SLC49A3: variants seen among roughly 807,000 people sequenced by gnomAD.
SLC49A3 encodes solute carrier family 49 member A3.
Under a neutral mutation model 43.8 loss-of-function variants are expected in SLC49A3, and 50 were observed. The ratio of observed to expected loss-of-function variants is 1.14; its 90% CI spans 0.91 to 1.45. The LOEUF is 1.45. Among genes scored for constraint, SLC49A3 ranks in the 40% most tolerant of loss-of-function variants. The pLI, the probability that SLC49A3 is intolerant of heterozygous loss-of-function variation, is 0.00. For synonymous variants in SLC49A3, 413 were observed against 352.0 expected, an observed-to-expected ratio of 1.17 and a Z score of -1.94; for missense variants, 906 against 774.1, an observed-to-expected ratio of 1.17 and a Z score of -2.02.
chr4:678,581 G>T, downstream of SLC49A3: 1 of 1,535,662 alleles, frequency 6.5e-7, no homozygotes, highest in Admixed American at 2.1e-5. Context: ...TCTGAGTTAA[G>T]TCTCTCAAAA....
At chr4:681,445 C>T (rs1739511382), downstream of SLC49A3, among the ~76,000 whole-genome samples, 1 of 150,804 alleles carries the variant, frequency 6.6e-6, no homozygotes, top group South Asian at 2.1e-4. Flanking sequence ...CGCCCCCCAC[C>T]CCCGACGCGC....
In SLC49A3 at chr4:682,030, C is replaced by T. The variant is rs773092304; in HGVS notation, c.1608G>A (p.Arg536=). The change falls in exon 10 of 10, where the codon AGG becomes AGA. Residue 536 remains arginine, a synonymous_variant. Transcript: ENST00000322224. ...APSRPGRLAG[R]VQASRFIDPA... ...GGTCAATAAACCTGGACGCTTGGAC[C>T]CTGCCTGCGAGTCTGCCGGGGCGGG... is the stretch of plus-strand genomic sequence containing the variant. 7.0e-6 allele frequency: 10 copies of T among 1,430,324 alleles called. 1 individual carries two copies. The Admixed American group carries it at 2.0e-4, about 29-fold the overall frequency. 88.6% of individuals were successfully genotyped at this position (1,430,324 alleles called of 1,614,324 possible). A position where few individuals can be genotyped will look rare whatever the true frequency, so the allele number is the denominator to read the frequency against.
downstream of SLC49A3, chr4:681,822 GGGCC>G (rs1357989703): frequency 1.6e-6 from 2 of 1,267,876 alleles, no homozygotes; most frequent in Non-Finnish European, 2.0e-6. Flanking sequence ...ACCACACCCG[GGGCC>G]GCTGCAGGTG....
downstream of SLC49A3, chr4:679,879 A>G: frequency 6.3e-7 from 1 of 1,575,210 alleles, no homozygotes; most frequent in Admixed American, 1.7e-5. Flanking sequence ...GCAGGCAACA[A>G]GCCCTGCCCT....
chr4:681,448 C>T (rs1188164745), downstream of SLC49A3, among the ~76,000 whole-genome samples: 1 of 146,752 alleles, frequency 6.8e-6, no homozygotes, highest in African/African-American at 2.5e-5. Context: ...CCCCCACCCC[C>T]GACGCGCCGC....
chr4:685,329 C>T lies in SLC49A3; in HGVS notation c.586-473G>A, dbSNP rs1385387182. On this transcript the variant is annotated intron_variant, in intron 4 of 9. Coordinates refer to ENST00000322224, the MANE Select transcript of SLC49A3 (RefSeq NM_032219.4). The surrounding 1 kb of genome is among the most constrained non-coding windows in gnomAD (Gnocchi z 4.3). ...CACAGACACATATGCACACATCACA[C>T]AATACACATGGGCACAGGAACAGAG... 2.0e-5 allele frequency among the ~76,000 whole-genome samples: 3 copies of T among 152,130 alleles called. No homozygotes were observed. Among genetic ancestry groups the T allele is most frequent in the Non-Finnish European group, 4.4e-5 (3 of 68,010 alleles).
downstream of SLC49A3, among the ~76,000 whole-genome samples, chr4:681,611 T>C (rs920791272): frequency 1.5e-4 from 1 of 6,454 alleles, no homozygotes; most frequent in Non-Finnish European, 3.4e-4. Context: ...CCCCGCCCCC[T>C]CCAGCGCCGC....
At chr4:686,431 G>A in intron 2 of SLC49A3, 101 bp downstream of exon 2, 1 of 1,563,956 alleles carries the variant, frequency 6.4e-7, no homozygotes, top group Non-Finnish European at 8.7e-7. Flanking sequence ...CCAGCTGTTG[G>A]GACTGGTGGG....
rs200190270 is a variant in SLC49A3 at position 684,838 on chromosome 4, G to T, written c.604C>A (p.Pro202Thr). Residue 202 changes from proline to threonine, a missense_variant, in exon 5 of 10, where the codon CCT (proline) becomes ACT (threonine). Transcript: ENST00000322224. Reference sequence around the variant, plus strand: ...GACAGCAGGCAGACGACGCCAGCAGGGATGGTATAGACACCGAGCTGGGGA... The same window carrying T: ...GACAGCAGGCAGACGACGCCAGCAGTGATGGTATAGACACCGAGCTGGGGA... ...IPLMLGVYTI[P>T]AGVVCLLSTI... 1 of 1,612,318 alleles carries T rather than the reference G, an allele frequency of 6.2e-7. No individual in the cohort carries two copies. Among genetic ancestry groups the T allele is most frequent in the East Asian group, 2.2e-5 (1 of 44,882 alleles).
In SLC49A3 at chr4:681,880, C is replaced by A. The variant is rs369359939; in HGVS notation, c.*78G>T. 41 of 1,312,736 alleles carry A rather than the reference C, an allele frequency of 3.1e-5. No individual in the cohort carries two copies. Among genetic ancestry groups the A allele is most frequent in the Admixed American group, 6.2e-5 (2 of 32,354 alleles). The allele number at this position is 1,312,736 out of a possible 1,614,324, so 81.3% of individuals were successfully genotyped here. ...CCGGAGCCCGCAAGGAGCCCTTTCG[C>A]CCCCGCCCGCAGGTGGACCAGATGT... On this transcript the variant is annotated 3_prime_UTR_variant, in exon 10 of 10. Transcript: ENST00000322224.
downstream of SLC49A3, chr4:680,714 C>A (rs941083492): frequency 2.1e-6 from 2 of 967,474 alleles, no homozygotes; most frequent in African/African-American, 3.3e-5. Flanking sequence ...GCTTCAGGGC[C>A]ATGAGGAGCG....
chr4:682,346 G>A lies in SLC49A3; in HGVS notation c.1292C>T (p.Thr431Ile). The A allele has an allele frequency of 4.5e-6, 6 of 1,346,408 alleles. No individual in the cohort carries two copies. Among genetic ancestry groups the A allele is most frequent in the Non-Finnish European group, 5.8e-6 (6 of 1,038,942 alleles). The allele number at this position is 1,346,408 out of a possible 1,614,324, so 83.4% of individuals were successfully genotyped here. Reference sequence around the variant, plus strand: ...GACCGCCAGGATGCAGCTGAAGAAGGTGCACAGGCCGGCCATCAGCAGCAG... The same window carrying A: ...GACCGCCAGGATGCAGCTGAAGAAGATGCACAGGCCGGCCATCAGCAGCAG... ...VSLLLMAGLC[T>I]FFSCILAVFF... Residue 431 changes from threonine to isoleucine, a missense_variant, in exon 10 of 10, where the codon ACC (threonine) becomes ATC (isoleucine). Thr to Ile is a moderately conservative substitution (Grantham distance 89). Coordinates refer to ENST00000322224, the MANE Select transcript of SLC49A3 (RefSeq NM_032219.4).
upstream of SLC49A3, among the ~76,000 whole-genome samples, chr4:689,650 G>C (rs1741700335): frequency 6.6e-6 from 1 of 152,288 alleles, no homozygotes; most frequent in Non-Finnish European, 1.5e-5. Flanking sequence ...TGGGGTAGGA[G>C]GGCGAGGGGC....
downstream of SLC49A3, chr4:681,789 G>A (rs925422615): frequency 3.9e-5 from 47 of 1,205,350 alleles, no homozygotes; most frequent in Admixed American, 6.2e-4. Context: ...GCCCCTCCCC[G>A]CTCCCCCTCC....
chr4:680,904 G>T, downstream of SLC49A3: 1 of 686,916 alleles, frequency 1.5e-6, no homozygotes, highest in Non-Finnish European at 2.5e-6. Flanking sequence ...CCCCATCAGC[G>T]GCTCCCCCAG....
At chr4:677,728 G>C (rs1020553023), downstream of SLC49A3, among the ~76,000 whole-genome samples, 18 of 152,304 alleles carry the variant, frequency 1.2e-4, no homozygotes, top group African/African-American at 3.6e-4. Context: ...CTGACACACA[G>C]AATCCTTGGG....
intron 7 of SLC49A3, 77 bp downstream of exon 7, chr4:683,532 A>C: frequency 6.6e-7 from 1 of 1,525,184 alleles, no homozygotes; most frequent in Non-Finnish European, 8.8e-7. Flanking sequence ...TGTTCCAGCC[A>C]AGCCGCCAAC....
At chr4:690,062 G>A (rs1230323931), upstream of SLC49A3, among the ~76,000 whole-genome samples, 1 of 152,208 alleles carries the variant, frequency 6.6e-6, no homozygotes, top group Non-Finnish European at 1.5e-5. Flanking sequence ...AGTATTATTC[G>A]TGGTTTTTGT....
upstream of SLC49A3, chr4:689,190 G>A (rs921719708): frequency 4.2e-6 from 5 of 1,192,330 alleles, no homozygotes; most frequent in African/African-American, 1.6e-5. Context: ...GGACCTTCCC[G>A]CGTGGGCCGG....
Sources: allele counts gnomAD v4.1 joint callset (sites outside exome capture counted in the v4.1 genomes callset), GRCh38; gene constraint gnomAD v4.1.1; non-coding constraint Gnocchi (gnomAD v3.1); transcripts MANE v1.5; gene names NCBI Gene and HGNC (gene_info 2026-07-23, HGNC 2026-07-21).